Variants in MED30 observed in about 807,000 individuals in gnomAD.
MED30 encodes the protein mediator of RNA polymerase II transcription subunit 30.
A neutral mutation model predicts 21.7 loss-of-function variants in MED30; 8 were observed. The observed-to-expected ratio is 0.37, with a 90% confidence interval of 0.22 to 0.67. MED30 has a LOEUF of 0.67. Ranked by LOEUF, MED30 falls within the 30% of genes least tolerant of loss-of-function variation. MED30 has a pLI of 0.58. For synonymous variants in MED30, 79 were observed against 86.7 expected, an observed-to-expected ratio of 0.91 and a Z score of 0.49; for missense variants, 203 against 228.2, an observed-to-expected ratio of 0.89 and a Z score of 0.71.
intron 3 of MED30, among the ~76,000 whole-genome samples, chr8:117,534,152 T>C (rs1818832263): frequency 6.6e-6 from 1 of 152,074 alleles, no homozygotes; most frequent in African/African-American, 2.4e-5. Context: ...TCTCTGTCTG[T>C]GGTTCTCCAT....
chr8:117,525,542 T>C (rs1252204158), intron 1 of MED30, among the ~76,000 whole-genome samples: 1 of 152,056 alleles, frequency 6.6e-6, no homozygotes, highest in African/African-American at 2.4e-5. Context: ...TTCTAGGCCT[T>C]ATGCCTAGTT....
chr8:117,536,991 G>T (rs567622410), intron 3 of MED30, among the ~76,000 whole-genome samples: 41 of 152,216 alleles, frequency 2.7e-4, no homozygotes, highest in Non-Finnish European at 5.6e-4. Context: ...ACTCACAGCC[G>T]ACTGGGGCCA....
At chr8:117,531,443 A>G (rs372119300) in intron 3 of MED30, among the ~76,000 whole-genome samples, 6 of 152,104 alleles carry the variant, frequency 3.9e-5, no homozygotes, top group African/African-American at 1.4e-4. Flanking sequence ...TTCACTGACA[A>G]ATATAGATTG....
chr8:117,521,486 TA>T (rs1464651936), intron 1 of MED30, among the ~76,000 whole-genome samples: 1 of 152,218 alleles, frequency 6.6e-6, no homozygotes, highest in Non-Finnish European at 1.5e-5. Flanking sequence ...TACACTCACC[TA>T]AAGTTTTGAT....
intron 3 of MED30, among the ~76,000 whole-genome samples, chr8:117,533,738 C>T (rs1818824454): frequency 1.3e-5 from 2 of 152,190 alleles, no homozygotes; most frequent in Non-Finnish European, 2.9e-5. Context: ...TCTCATCCCA[C>T]CCTCCCAAGT....
chr8:117,528,629 A>T (rs771932867), intron 1 of MED30, 22 bp from the exon 2 acceptor site: 4 of 1,538,656 alleles, frequency 2.6e-6, no homozygotes, highest in Non-Finnish European at 2.6e-6. Context: ...TGATATTTTT[A>T]TTCTTTGTTT....
chr8:117,523,516 T>G (rs901260087), intron 1 of MED30: 8 of 1,594,572 alleles, frequency 5.0e-6, no homozygotes, highest in Non-Finnish European at 6.9e-6. Flanking sequence ...CAGATGAAGG[T>G]AATCACAGAG....
intron 1 of MED30, among the ~76,000 whole-genome samples, chr8:117,527,824 A>G (rs1231121696): frequency 6.6e-6 from 1 of 151,824 alleles, no homozygotes; most frequent in Non-Finnish European, 1.5e-5. Context: ...TAGGGTGATG[A>G]CACAGATCAG....
rs767027861 is a variant in MED30, at chr8:117,539,986, T to C, written c.*8T>C. ...TTGGCAATGAGGAACTAAGCTGATA[T>C]TTAAATTTCCTGCTTTACACATGTT... On this transcript the variant is annotated 3_prime_UTR_variant, in exon 4 of 4. Transcript: ENST00000297347. 1.0e-5 allele frequency: 16 copies of C among 1,539,854 alleles called. No individual in the cohort carries two copies. Among genetic ancestry groups the C allele is most frequent in the African/African-American group, 9.6e-5 (7 of 72,742 alleles).
rs1818754150 is a variant in MED30 at position 117,528,660 on chromosome 8, G to A, written c.187G>A (p.Gly63Ser). ...TGTTTTTCCTGATAAGCTGCCAAAT[G>A]GTGTCACTTACCACACTGGAACATA... ...QLLRNMQLPNGVTYHTGTYQD... is the reference protein window; with the variant it reads ...QLLRNMQLPNSVTYHTGTYQD... Residue 63 changes from glycine (G) to serine (S), a missense_variant, in exon 2 of 4, where the codon GGT becomes AGT. Coordinates refer to ENST00000297347, the MANE Select transcript of MED30 (RefSeq NM_080651.4). 2.6e-6 allele frequency: 4 copies of A among 1,566,644 alleles called. No individual in the cohort carries two copies. Among genetic ancestry groups the A allele is most frequent in the Admixed American group, 2.1e-5 (1 of 48,314 alleles).
intron 2 of MED30, among the ~76,000 whole-genome samples, chr8:117,529,697 G>A (rs1818767922): frequency 2.6e-5 from 4 of 151,840 alleles, no homozygotes; most frequent in Admixed American, 2.0e-4. Flanking sequence ...AAGGAGAGAT[G>A]GAATCGAAGG....
chr8:117,522,699 C>T (rs1458408384), intron 1 of MED30, among the ~76,000 whole-genome samples: 3 of 146,080 alleles, frequency 2.1e-5, no homozygotes, highest in Non-Finnish European at 4.5e-5. Flanking sequence ...AATTCAGTTT[C>T]GTGGAAATTT....
chr8:117,522,182 T>C (rs1818634098), intron 1 of MED30, among the ~76,000 whole-genome samples: 1 of 152,258 alleles, frequency 6.6e-6, no homozygotes, highest in Non-Finnish European at 1.5e-5. Context: ...TTTTAAATTT[T>C]GATGGAATCC....
intron 3 of MED30, among the ~76,000 whole-genome samples, chr8:117,534,263 T>C (rs1818833941): frequency 6.6e-6 from 1 of 152,140 alleles, no homozygotes; most frequent in Non-Finnish European, 1.5e-5. Context: ...AAATTTACCT[T>C]GCATCTGCTG....
At chr8:117,533,977 G>A (rs1255368670) in intron 3 of MED30, among the ~76,000 whole-genome samples, 1 of 151,986 alleles carries the variant, frequency 6.6e-6, no homozygotes, top group African/African-American at 2.4e-5. Context: ...AGTTTGGCTG[G>A]CTATAAAATT....
At chr8:117,523,139 C>A in intron 1 of MED30, 1 of 599,282 alleles carries the variant, frequency 1.7e-6, no homozygotes, top group South Asian at 1.9e-5. Context: ...TAAACTTTTT[C>A]AAAAAAAGTA....
chr8:117,533,101 G>C (rs540514921), intron 3 of MED30, among the ~76,000 whole-genome samples: 1 of 152,042 alleles, frequency 6.6e-6, no homozygotes, highest in South Asian at 2.1e-4. Context: ...CTGTACCATA[G>C]AGGATTTTAT....
chr8:117,530,194 A>G (rs1405147632), intron 2 of MED30, among the ~76,000 whole-genome samples: 2 of 152,008 alleles, frequency 1.3e-5, no homozygotes, highest in Non-Finnish European at 2.9e-5. Flanking sequence ...AACTTAAGAC[A>G]TCTAGAAGTT....
At chr8:117,528,280 C>A (rs896139938) in intron 1 of MED30, among the ~76,000 whole-genome samples, 1 of 151,148 alleles carries the variant, frequency 6.6e-6, no homozygotes, top group Admixed American at 6.6e-5. Context: ...TTTTTTTAAA[C>A]TGTACTTTGT....
Sources: gnomAD v4.1 joint callset for allele counts (sites outside exome capture counted in the v4.1 genomes callset) on GRCh38, gnomAD v4.1.1 for gene constraint, MANE v1.5 for transcripts, NCBI Gene and HGNC (gene_info 2026-07-23, HGNC 2026-07-21) for gene names.